Variants in VPS53 observed in about 807,000 individuals in gnomAD.
The protein encoded by VPS53 is VPS53 subunit of GARP complex, also known as vacuolar protein sorting-associated protein 53 homolog.
VPS53 carries 70 observed loss-of-function variants against 107.0 expected under a neutral mutation model. That is an observed-to-expected ratio of 0.65 (90% CI 0.54 to 0.80). VPS53 has a LOEUF of 0.80. VPS53 is among the 30% of genes least tolerant of loss of function. VPS53 has a pLI of 0.00. For synonymous variants in VPS53, 409 were observed against 393.3 expected (o/e 1.04, Z -0.47); for missense variants, 917 against 1,049.4 (o/e 0.87, Z 1.74).
At chr17:574,176 A>G (rs1224663737) in intron 13 of VPS53, among the ~76,000 whole-genome samples, 1 of 152,192 alleles carries the variant, frequency 6.6e-6, no homozygotes, top group Non-Finnish European at 1.5e-5. Context: ...TTCTGCAGGA[A>G]CAGCAGCACA....
intron 10 of VPS53, among the ~76,000 whole-genome samples, chr17:624,693 T>C (rs1969616166): frequency 6.6e-6 from 1 of 152,184 alleles, no homozygotes; most frequent in African/African-American, 2.4e-5. Context: ...GGCTCTAGCA[T>C]ACGTCCAGCC....
At position 524,283 on chromosome 17, in the gene VPS53, C is replaced by A. The variant is rs1286965225; in HGVS notation, c.2086-2545G>T. ...AGACACTGTCTCAAAAAAATAAATA[C>A]ATAAAAAATAAAAAATAAAAAAGAA... On this transcript the variant is annotated intron_variant, in intron 19 of 21. Transcript: ENST00000437048. The surrounding 1 kb of genome is among the most constrained non-coding windows in gnomAD (Gnocchi z 4.5). 6.6e-6 allele frequency among the ~76,000 whole-genome samples: 1 copy of A among 151,446 alleles called. No individual in the cohort carries two copies. Among genetic ancestry groups the A allele is most frequent in the Non-Finnish European group, 1.5e-5 (1 of 67,878 alleles).
At chr17:653,503 T>G in intron 6 of VPS53, 93 bp from the exon 7 acceptor site, 1 of 1,570,640 alleles carries the variant, frequency 6.4e-7, no homozygotes, top group Non-Finnish European at 8.7e-7. Flanking sequence ...CAAACAGATA[T>G]CAACTCAGCT....
chr17:548,981 C>G (rs1287883460), intron 17 of VPS53, among the ~76,000 whole-genome samples: 2 of 152,172 alleles, frequency 1.3e-5, no homozygotes, highest in African/African-American at 4.8e-5. Flanking sequence ...GTATTTTGTA[C>G]TTTTCTTATG....
intron 4 of VPS53, among the ~76,000 whole-genome samples, chr17:666,434 C>T (rs1030373644): frequency 1.3e-5 from 2 of 152,154 alleles, no homozygotes; most frequent in Admixed American, 1.3e-4. Context: ...GAGGCCAGGG[C>T]GGGTGGATGA....
rs1202122177 is a variant in VPS53 at position 509,495 on chromosome 17, G to A, written c.*9633C>T. ...CCTGACTAGTCACGTATCAAATCCTGGCTGACCCCTTACTAGTCACATATC... is the reference window on the plus strand; with the variant it reads ...CCTGACTAGTCACGTATCAAATCCTAGCTGACCCCTTACTAGTCACATATC... On this transcript the variant is annotated 3_prime_UTR_variant, in exon 22 of 22. Coordinates refer to ENST00000437048, the MANE Select transcript of VPS53 (RefSeq NM_001128159.3). The A allele has an allele frequency of 6.7e-6, 1 of 148,330 alleles. No individual in the cohort carries two copies. The highest frequency in any genetic ancestry group is 2.7e-5 in the African/African-American group (1 of 37,318). 9.2% of individuals were successfully genotyped at this position (148,330 alleles called of 1,614,324 possible).
At chr17:693,976 G>A (rs900438035) in intron 4 of VPS53, among the ~76,000 whole-genome samples, 2 of 152,098 alleles carry the variant, frequency 1.3e-5, no homozygotes, top group African/African-American at 4.8e-5. Flanking sequence ...CAAGTCTGTT[G>A]CAGTCAAATA....
intron 12 of VPS53, among the ~76,000 whole-genome samples, chr17:599,759 T>A (rs900584466): frequency 4.9e-5 from 6 of 121,222 alleles, no homozygotes; most frequent in East Asian, 7.0e-4. Context: ...AAAAAATAAA[T>A]AAATTAAAAA....
intron 19 of VPS53, among the ~76,000 whole-genome samples, chr17:526,023 TGTAAA>T (rs1266524827): frequency 2.2e-5 from 3 of 136,282 alleles, no homozygotes; most frequent in Non-Finnish European, 4.8e-5. Context: ...AAAAAAAAGA[TGTAAA>T]GTAAATGTGG....
At position 518,947 on chromosome 17, in the gene VPS53, C is replaced by T. The variant is rs549864132; in HGVS notation, c.*181G>A. The stretch of plus-strand genomic sequence containing the variant: ...CTCTTAGAGCCCAGCCCTTACTCAG[C>T]GTCTCCGATTAGGGCAGGAAGTAAG... On this transcript the variant is annotated 3_prime_UTR_variant, in exon 22 of 22. Transcript: ENST00000437048. The T allele has an allele frequency of 1.5e-4, 91 of 622,814 alleles. 4 individuals are homozygous for T. The South Asian group carries it at 2.2e-3, about 15-fold the overall frequency. The allele number at this position is 622,814 out of a possible 1,614,324, so 38.6% of individuals were successfully genotyped here.
At chr17:639,485 G>A (rs564456287) in intron 7 of VPS53, among the ~76,000 whole-genome samples, 9 of 152,352 alleles carry the variant, frequency 5.9e-5, no homozygotes, top group Admixed American at 5.9e-4. Context: ...TGGAGGGGGA[G>A]AGGTGCTCTG....
intron 19 of VPS53, among the ~76,000 whole-genome samples, chr17:530,101 A>C (rs968426724): frequency 6.6e-6 from 1 of 151,698 alleles, no homozygotes; most frequent in Non-Finnish European, 1.5e-5. Flanking sequence ...ATATATTTTA[A>C]AACACTTTCC....
chr17:569,895 C>A (rs1436062116), intron 13 of VPS53, among the ~76,000 whole-genome samples: 1 of 147,824 alleles, frequency 6.8e-6, no homozygotes, highest in African/African-American at 2.6e-5. Flanking sequence ...CAGAGCAAGA[C>A]TCTGCCTCAA....
chr17:521,804 C>T (rs559716773), intron 19 of VPS53, 66 bp from the exon 20 acceptor site: 1,132 of 1,367,700 alleles, frequency 8.3e-4, no homozygotes, highest in Non-Finnish European at 9.7e-4. Flanking sequence ...GGACTCATGC[C>T]GATGAGTCAT....
chr17:528,531 A>G (rs1349917790), intron 19 of VPS53, among the ~76,000 whole-genome samples: 1 of 151,506 alleles, frequency 6.6e-6, no homozygotes, highest in Non-Finnish European at 1.5e-5. Context: ...TCTGGCTATT[A>G]TAAATGGTGC....
intron 7 of VPS53, among the ~76,000 whole-genome samples, chr17:633,991 C>T (rs1389448978): frequency 6.6e-6 from 1 of 152,154 alleles, no homozygotes; most frequent in East Asian, 1.9e-4. Context: ...CCACAGGGAA[C>T]TTATAGTAGG....
chr17:564,288 C>T (rs1219011764), intron 13 of VPS53, among the ~76,000 whole-genome samples: 1 of 152,126 alleles, frequency 6.6e-6, no homozygotes. Context: ...TGCCTGTAAT[C>T]CCAGCACTTT....
At chr17:662,873 CGAAGGAAGGAAGGAAGGA>C (rs1567720263) in intron 4 of VPS53, among the ~76,000 whole-genome samples, 23 of 98,116 alleles carry the variant, frequency 2.3e-4, no homozygotes, top group Non-Finnish European at 4.5e-4. Context: ...AAGGAAGGAA[CGAAGGAAGGAAGGAAGGA>C]AGGCAGGCAG....
At chr17:629,677 G>C (rs1269797005) in intron 8 of VPS53, among the ~76,000 whole-genome samples, 1 of 151,528 alleles carries the variant, frequency 6.6e-6, no homozygotes, top group East Asian at 1.9e-4. Flanking sequence ...GCAAGAGAAT[G>C]GCATGAACTC....
Sources: gnomAD v4.1 joint callset for allele counts (sites outside exome capture counted in the v4.1 genomes callset) on GRCh38, gnomAD v4.1.1 for gene constraint, Gnocchi (gnomAD v3.1) non-coding constraint, MANE v1.5 for transcripts, NCBI Gene and HGNC (gene_info 2026-07-23, HGNC 2026-07-21) for gene names.